Variants in CYP46A1 observed in about 807,000 individuals in gnomAD.
The protein encoded by CYP46A1 is cholesterol 24-hydroxylase.
A neutral mutation model predicts 63.3 loss-of-function variants in CYP46A1; 20 were observed. That is an observed-to-expected ratio of 0.32 (90% CI 0.22 to 0.46). CYP46A1 has a LOEUF of 0.46. CYP46A1 is among the 20% of genes least tolerant of loss of function. CYP46A1 has a pLI of 1.00. For synonymous variants in CYP46A1, 268 were observed against 273.6 expected, an observed-to-expected ratio of 0.98 and a Z score of 0.20; for missense variants, 445 against 670.8, an observed-to-expected ratio of 0.66 and a Z score of 3.72.
At chr14:99,684,594 A>G in intron 1 of CYP46A1, 58 bp downstream of exon 1, 1 of 1,372,500 alleles carries the variant, frequency 7.3e-7, no homozygotes, top group Non-Finnish European at 9.7e-7. Context: ...GCCTGGGGAC[A>G]GCGTCTAAGC....
Position 99,684,412 on chromosome 14 carries a change from G to A in CYP46A1, c.-6G>A. ...ACCCTGGCCTGGCCTGCCCTGCCCC[G>A]GAGCCATGAGCCCCGGGCTGCTGCT... On this transcript the variant is annotated 5_prime_UTR_variant, in exon 1 of 15. Coordinates refer to ENST00000261835, the MANE Select transcript of CYP46A1 (RefSeq NM_006668.2). The A allele has an allele frequency of 1.3e-5, 19 of 1,451,190 alleles. No homozygotes were observed. The highest frequency in any genetic ancestry group is 1.7e-5 in the Non-Finnish European group (19 of 1,105,880). 89.9% of individuals were successfully genotyped at this position (1,451,190 alleles called of 1,614,324 possible).
At chr14:99,716,286 T>G (rs371545483) in intron 9 of CYP46A1, 87 bp downstream of exon 9, 43 of 1,468,912 alleles carry the variant, frequency 2.9e-5, no homozygotes, top group East Asian at 2.7e-4. Context: ...TCTTTGGGAT[T>G]TTTTGGGCTA....
At chr14:99,713,559 CA>C (rs1173652001) in intron 7 of CYP46A1, 1 of 151,862 alleles carries the variant, frequency 6.6e-6, no homozygotes, top group Non-Finnish European at 1.5e-5. Context: ...GCTAAGACTT[CA>C]AAAATACAGG....
At chr14:99,685,182 A>C (rs946769842) in intron 1 of CYP46A1, among the ~76,000 whole-genome samples, 2 of 149,342 alleles carry the variant, frequency 1.3e-5, no homozygotes, top group Non-Finnish European at 3.0e-5. Context: ...AACTAAATGC[A>C]GTTCTAAATT....
chr14:99,693,626 G>C (rs752119460), intron 3 of CYP46A1: 1 of 152,140 alleles, frequency 6.6e-6, no homozygotes, highest in Admixed American at 6.5e-5. Flanking sequence ...GACCTCATAG[G>C]ATAAGTTGGG....
intron 10 of CYP46A1, among the ~76,000 whole-genome samples, chr14:99,719,930 T>G (rs762984012): frequency 6.6e-6 from 1 of 151,750 alleles, no homozygotes; most frequent in Non-Finnish European, 1.5e-5. Flanking sequence ...CCTGGCTAAT[T>G]TTTTTTGTAT....
At chr14:99,704,996 T>C (rs149968844) in intron 5 of CYP46A1, among the ~76,000 whole-genome samples, 1 of 152,318 alleles carries the variant, frequency 6.6e-6, no homozygotes, top group African/African-American at 2.4e-5. Context: ...GGCAATGTTA[T>C]AGGTGGAGGT....
intron 9 of CYP46A1, 154 bp from the exon 10 acceptor site, chr14:99,717,900 C>A: frequency 1.7e-6 from 1 of 592,306 alleles, no homozygotes; most frequent in Admixed American, 3.1e-5. Flanking sequence ...CAAGTGAGAC[C>A]TAGACGATGG....
rs1194670132 is a variant in CYP46A1 at position 99,722,676 on chromosome 14, T to TGTGTGC, written c.1176+613_1176+614insTGCGTG. 1.3e-5 allele frequency among the ~76,000 whole-genome samples: 2 copies of TGTGTGC among 149,918 alleles called. No individual in the cohort carries two copies. Among genetic ancestry groups the TGTGTGC allele is most frequent in the African/African-American group, 5.0e-5 (2 of 40,244 alleles). ...GTGTGTGTGTGTGTGTGTGTGTGTG[T>TGTGTGC]GTGCCTGTGTGCATTCACGCAGTAA... is the stretch of plus-strand genomic sequence containing the variant. On this transcript the variant is annotated intron_variant, in intron 12 of 14. Coordinates refer to ENST00000261835, the MANE Select transcript of CYP46A1 (RefSeq NM_006668.2). This position sits in a 1 kb window ranked among gnomAD's most constrained non-coding sequence, Gnocchi z 4.6.
intron 1 of CYP46A1, among the ~76,000 whole-genome samples, chr14:99,686,907 A>G (rs182688775): frequency 1.3e-5 from 2 of 152,186 alleles, no homozygotes; most frequent in African/African-American, 4.8e-5. Context: ...AGTTCTGGAA[A>G]CTCTTCTAGC....
chr14:99,710,616 A>G (rs1469371785), intron 7 of CYP46A1: 2 of 152,182 alleles, frequency 1.3e-5, no homozygotes, highest in Admixed American at 6.5e-5. Context: ...TCAATTCTGC[A>G]AGAAGATAAA....
chr14:99,686,757 C>G (rs145579607), intron 1 of CYP46A1, among the ~76,000 whole-genome samples: 1 of 152,116 alleles, frequency 6.6e-6, no homozygotes, highest in Non-Finnish European at 1.5e-5. Context: ...GTGTGGGGTG[C>G]GGAGGGAGCA....
In CYP46A1 at chr14:99,695,362, G is replaced by C. The variant is rs961378886; in HGVS notation, c.282+3501G>C. The C allele has an allele frequency of 1.6e-5, 6 of 367,664 alleles. No homozygotes were observed. In the Admixed American group the frequency reaches 2.1e-4, roughly 13 times the overall value. The allele number at this position is 367,664 out of a possible 1,614,324, so 22.8% of individuals were successfully genotyped here. A position where few individuals can be genotyped will look rare whatever the true frequency, so the allele number is the denominator to read the frequency against. On this transcript the variant is annotated intron_variant, in intron 3 of 14. Transcript: ENST00000261835. ...ATCCTTTCTAATTTTCTGTCTACTTGTTCTAGTGGTTGCAGGGCAAGGAAT... is the reference window on the plus strand; with the variant it reads ...ATCCTTTCTAATTTTCTGTCTACTTCTTCTAGTGGTTGCAGGGCAAGGAAT...
intron 5 of CYP46A1, among the ~76,000 whole-genome samples, chr14:99,705,491 C>T (rs1236185972): frequency 6.6e-6 from 1 of 152,222 alleles, no homozygotes; most frequent in Non-Finnish European, 1.5e-5. Context: ...GGGTTATAGG[C>T]ATGAGCCCCT....
chr14:99,700,805 C>G (rs949483964), intron 5 of CYP46A1, among the ~76,000 whole-genome samples: 2 of 152,178 alleles, frequency 1.3e-5, no homozygotes, highest in Non-Finnish European at 2.9e-5. Context: ...GTTTACTATA[C>G]AACAGCCTCA....
At chr14:99,716,259 G>T (rs1384089743) in intron 9 of CYP46A1, 60 bp downstream of exon 9, 1 of 1,575,440 alleles carries the variant, frequency 6.3e-7, no homozygotes, top group East Asian at 2.2e-5. Context: ...GTGGACCATG[G>T]ATCCCTCAAA....
In CYP46A1 at chr14:99,700,054, G is replaced by C. The variant is rs761460288; in HGVS notation, c.396G>C (p.Glu132Asp). ...GQGLVSECNY[E>D]RWHKQRRVID... The stretch of plus-strand genomic sequence containing the variant: ...GCTTGGTGTCCGAATGCAACTATGA[G>C]CGCTGGCACAAGCAGCGGAGAGTCA... Residue 132 changes from glutamate (E) to aspartate (D), a missense_variant, in exon 5 of 15, where the codon GAG (glutamate) becomes GAC (aspartate). Glu to Asp is a conservative substitution (Grantham distance 45). Coordinates refer to ENST00000261835, the MANE Select transcript of CYP46A1 (RefSeq NM_006668.2). 9.1e-5 allele frequency: 146 copies of C among 1,607,152 alleles called. No homozygotes were observed. Among genetic ancestry groups the C allele is most frequent in the Non-Finnish European group, 1.2e-4 (141 of 1,177,184 alleles).
chr14:99,710,514 C>CT (rs1415011161), intron 7 of CYP46A1: 1 of 152,086 alleles, frequency 6.6e-6, no homozygotes, highest in Non-Finnish European at 1.5e-5. Context: ...CAAGCCAAAG[C>CT]TGTCAGGAGT....
Position 99,685,093 on chromosome 14 carries a change from C to A in CYP46A1, c.119+557C>A, listed in dbSNP as rs1433863057. 1.1e-4 allele frequency among the ~76,000 whole-genome samples: 4 copies of A among 35,398 alleles called. No individual in the cohort carries two copies. The Admixed American group carries it at 1.2e-3, about 11-fold the overall frequency. The allele number at this position is 35,398 out of a possible 152,430, so 23.2% of individuals were successfully genotyped here. On this transcript the variant is annotated intron_variant, in intron 1 of 14. Coordinates refer to ENST00000261835, the MANE Select transcript of CYP46A1 (RefSeq NM_006668.2). The stretch of plus-strand genomic sequence containing the variant: ...ACACCCCCCTCAACTTGCCAACCCC[C>A]CCCCACCCCCAGCTTAGCTTTGTGA...
Sources: allele counts gnomAD v4.1 joint callset (sites outside exome capture counted in the v4.1 genomes callset), GRCh38; gene constraint gnomAD v4.1.1; non-coding constraint Gnocchi (gnomAD v3.1); transcripts MANE v1.5; gene names NCBI Gene and HGNC (gene_info 2026-07-23, HGNC 2026-07-21).